The following NSUN6 variants were observed in gnomAD, a reference collection of about 807,000 sequenced individuals.
The protein encoded by NSUN6 is NOP2/Sun RNA methyltransferase 6.
Under a neutral mutation model 58.0 loss-of-function variants are expected in NSUN6, and 64 were observed. That is an observed-to-expected ratio of 1.10 (90% confidence interval 0.90 to 1.36). The LOEUF is 1.36. Ranked by LOEUF, NSUN6 falls within the 40% of genes most tolerant of loss-of-function variation. The probability of loss-of-function intolerance (pLI) is 0.00; values close to 1 mark genes in which losing one functional copy is unlikely to be tolerated. For missense variants in NSUN6, 701 were observed against 550.1 expected, an observed-to-expected ratio of 1.27 and a Z score of -2.74; for synonymous variants, 231 against 193.9, an observed-to-expected ratio of 1.19 and a Z score of -1.59.
chr10:18,552,450 C>A (rs1055431027), intron 8 of NSUN6, among the ~76,000 whole-genome samples: 5 of 152,224 alleles, frequency 3.3e-5, no homozygotes, highest in African/African-American at 1.2e-4. Flanking sequence ...GGAGAATGAG[C>A]CAGTACCACC....
At chr10:18,656,816 CTTTTTTT>C (rs59363607), upstream of NSUN6, among the ~76,000 whole-genome samples, 91 of 86,636 alleles carry the variant, frequency 1.1e-3, no homozygotes, top group African/African-American at 2.2e-3. Context: ...AGTTACAATC[CTTTTTTT>C]TTTTTTTTTT....
At chr10:18,600,355 T>C (rs935860589) in intron 6 of NSUN6, among the ~76,000 whole-genome samples, 1 of 152,206 alleles carries the variant, frequency 6.6e-6, no homozygotes, top group Admixed American at 6.5e-5. Context: ...CCGGTTGTGG[T>C]GGCTCATGCC....
upstream of NSUN6, among the ~76,000 whole-genome samples, chr10:18,656,386 A>G (rs1045695153): frequency 1.3e-5 from 2 of 152,170 alleles, no homozygotes; most frequent in African/African-American, 4.8e-5. Context: ...AAAATACAAA[A>G]ATTAACTGGG....
intron 7 of NSUN6, among the ~76,000 whole-genome samples, 168 bp downstream of exon 7, chr10:18,596,040 T>C (rs940423973): frequency 6.6e-6 from 1 of 152,250 alleles, no homozygotes; most frequent in African/African-American, 2.4e-5. Context: ...TCTTCATAAA[T>C]GATCATTGTC....
chr10:18,566,760 A>G (rs1421841101), intron 8 of NSUN6, among the ~76,000 whole-genome samples: 1 of 149,216 alleles, frequency 6.7e-6, no homozygotes, highest in Non-Finnish European at 1.5e-5. Flanking sequence ...TCGATGCTCC[A>G]TTCGATTCTG....
At chr10:18,650,671 C>G (rs982891144) in intron 1 of NSUN6, among the ~76,000 whole-genome samples, 1 of 152,082 alleles carries the variant, frequency 6.6e-6, no homozygotes, top group Non-Finnish European at 1.5e-5. Flanking sequence ...CTGCTCAAGT[C>G]TATTAAAAGA....
At chr10:18,624,935 C>T (rs2691156) in intron 3 of NSUN6, among the ~76,000 whole-genome samples, 32 of 152,240 alleles carry the variant, frequency 2.1e-4, no homozygotes, top group African/African-American at 6.3e-4. Flanking sequence ...GCTTTCCTTT[C>T]GGGAGTCTGG....
At chr10:18,643,895 T>C (rs1564844188) in intron 2 of NSUN6, among the ~76,000 whole-genome samples, 1 of 152,210 alleles carries the variant, frequency 6.6e-6, no homozygotes, top group Non-Finnish European at 1.5e-5. Flanking sequence ...CATGTTAATA[T>C]ATAAATAAAA....
chr10:18,622,036 TGACACACACACACACACACACACA>T (rs1206113747), intron 3 of NSUN6, among the ~76,000 whole-genome samples: 9 of 144,922 alleles, frequency 6.2e-5, no homozygotes, highest in Non-Finnish European at 9.0e-5. Context: ...TATATACGAA[TGACACACACACACACACACACACA>T]GACACACACA....
intron 3 of NSUN6, among the ~76,000 whole-genome samples, chr10:18,625,256 G>A (rs113819559): frequency 0.012 from 1,772 of 152,318 alleles, 37 homozygotes; most frequent in African/African-American, 0.041. Flanking sequence ...CCTGAGGGCT[G>A]TCTTGGGAAT....
At chr10:18,596,872 ATAAATAT>A (rs1378953928) in intron 6 of NSUN6, among the ~76,000 whole-genome samples, 1 of 152,202 alleles carries the variant, frequency 6.6e-6, no homozygotes, top group East Asian at 1.9e-4. Flanking sequence ...TTGGGAACAC[ATAAATAT>A]TAAATAATTG....
chr10:18,572,674 A>G (rs755867940), intron 8 of NSUN6, among the ~76,000 whole-genome samples: 17 of 134,620 alleles, frequency 1.3e-4, no homozygotes, highest in Non-Finnish European at 2.7e-4. Context: ...TCCATTCTCC[A>G]TTCTCTTCCA....
At chr10:18,549,679 G>T (rs532732545) in intron 9 of NSUN6, among the ~76,000 whole-genome samples, 2 of 152,110 alleles carry the variant, frequency 1.3e-5, no homozygotes, top group East Asian at 3.8e-4. Context: ...TTAATCAGGA[G>T]ATAAGGTATT....
chr10:18,573,318 TCCATTCCATTCCATTAC>T (rs2056483897), intron 8 of NSUN6, among the ~76,000 whole-genome samples: 1 of 151,632 alleles, frequency 6.6e-6, no homozygotes, highest in African/African-American at 2.4e-5. Context: ...CATTCCATTC[TCCATTCCATTCCATTAC>T]CCATTCCTTT....
chr10:18,609,545 A>C (rs1228819755), intron 6 of NSUN6, among the ~76,000 whole-genome samples: 1 of 152,208 alleles, frequency 6.6e-6, no homozygotes, highest in Non-Finnish European at 1.5e-5. Flanking sequence ...CCACACATGT[A>C]TATCAAATGC....
chr10:18,570,291 T>A (rs1453812007), intron 8 of NSUN6, among the ~76,000 whole-genome samples: 1 of 151,310 alleles, frequency 6.6e-6, no homozygotes, highest in Non-Finnish European at 1.5e-5. Flanking sequence ...TTCCCTTCCA[T>A]TCCACACCAT....
chr10:18,564,792 C>A (rs2055801422), intron 8 of NSUN6, among the ~76,000 whole-genome samples: 1 of 150,916 alleles, frequency 6.6e-6, no homozygotes, highest in African/African-American at 2.4e-5. Context: ...CCATTCCATT[C>A]CATTCTGCAT....
chr10:18,617,098 C>T (rs1370478665), intron 3 of NSUN6, among the ~76,000 whole-genome samples: 4 of 152,076 alleles, frequency 2.6e-5, no homozygotes, highest in Non-Finnish European at 5.9e-5. Flanking sequence ...CATCTCTACT[C>T]ACCTTGCATT....
intron 7 of NSUN6, among the ~76,000 whole-genome samples, chr10:18,595,001 G>C (rs1444702516): frequency 6.6e-6 from 1 of 152,172 alleles, no homozygotes; most frequent in African/African-American, 2.4e-5. Context: ...ACTGCCCTCT[G>C]CTGGGCCAGC....
Sources: gnomAD v4.1 joint callset for allele counts (sites outside exome capture counted in the v4.1 genomes callset) on GRCh38, gnomAD v4.1.1 for gene constraint, MANE v1.5 for transcripts, NCBI Gene and HGNC (gene_info 2026-07-23, HGNC 2026-07-21) for gene names.